The following FHIT variants were observed in gnomAD, a reference collection of about 807,000 sequenced individuals.
FHIT encodes bis(5'-adenosyl)-triphosphatase.
In FHIT, 19 loss-of-function variants were observed where a neutral mutation model predicts 17.9. The ratio of observed to expected loss-of-function variants is 1.06; its 90% CI spans 0.74 to 1.56. FHIT has a LOEUF of 1.56. Among genes scored for constraint, FHIT ranks in the 40% most tolerant of loss-of-function variants. FHIT has a pLI of 0.00. For missense variants in FHIT, 248 were observed against 189.2 expected, an observed-to-expected ratio of 1.31 and a Z score of -1.82; for synonymous variants, 81 against 69.7, an observed-to-expected ratio of 1.16 and a Z score of -0.81.
chr3:60,081,600 A>G (rs540676060), intron 5 of FHIT, among the ~76,000 whole-genome samples: 1 of 152,304 alleles, frequency 6.6e-6, no homozygotes, highest in South Asian at 2.1e-4. Flanking sequence ...ATGGACTCCA[A>G]CCAGGAAATC....
intron 5 of FHIT, among the ~76,000 whole-genome samples, chr3:60,156,292 G>C (rs1249360833): frequency 6.6e-6 from 1 of 151,628 alleles, no homozygotes; most frequent in Non-Finnish European, 1.5e-5. Context: ...AGAGGTTGCA[G>C]TGAGCCGAGA....
intron 3 of FHIT, among the ~76,000 whole-genome samples, chr3:60,862,279 A>G (rs1703948025): frequency 6.6e-6 from 1 of 151,956 alleles, no homozygotes; most frequent in Admixed American, 6.6e-5. Context: ...CCTGGGCTCA[A>G]GTGATCATCC....
At chr3:59,857,328 T>A (rs573061317) in intron 8 of FHIT, among the ~76,000 whole-genome samples, 3 of 152,212 alleles carry the variant, frequency 2.0e-5, no homozygotes, top group Admixed American at 6.5e-5. Context: ...TCACCGCAAC[T>A]CTCTCCACTC....
chr3:60,656,728 G>A (rs2040124778), intron 4 of FHIT, among the ~76,000 whole-genome samples: 1 of 152,118 alleles, frequency 6.6e-6, no homozygotes, highest in African/African-American at 2.4e-5. Context: ...GCAATTAGAA[G>A]GGTTTCCAAC....
intron 5 of FHIT, among the ~76,000 whole-genome samples, chr3:60,362,867 G>T (rs35122696): frequency 0.12 from 18,470 of 152,118 alleles, 1,436 homozygotes; most frequent in Non-Finnish European, 0.17. Context: ...AAAAAGAGGG[G>T]CAAAAAGGCC....
At chr3:59,786,433 GATC>G (rs765868835) in intron 8 of FHIT, among the ~76,000 whole-genome samples, 6 of 152,146 alleles carry the variant, frequency 3.9e-5, no homozygotes, top group African/African-American at 1.4e-4. Context: ...GCCATTTCTG[GATC>G]ATAACAATTC....
At chr3:60,036,569 A>G (rs1232915792) in intron 5 of FHIT, among the ~76,000 whole-genome samples, 1 of 152,206 alleles carries the variant, frequency 6.6e-6, no homozygotes, top group African/African-American at 2.4e-5. Context: ...AAAGATACTT[A>G]AAACAATATT....
chr3:60,672,389 C>T (rs1187924617), intron 4 of FHIT, among the ~76,000 whole-genome samples: 7 of 151,362 alleles, frequency 4.6e-5, no homozygotes, highest in Non-Finnish European at 8.8e-5. Flanking sequence ...TGTTCTCTGG[C>T]TGGCAGGAGT....
chr3:60,605,172 G>T (rs1383963904), intron 4 of FHIT, among the ~76,000 whole-genome samples: 1 of 152,078 alleles, frequency 6.6e-6, no homozygotes, highest in East Asian at 1.9e-4. Flanking sequence ...TGAACTGAAA[G>T]CTTAGGCAAT....
At chr3:60,355,186 T>C (rs1431329392) in intron 5 of FHIT, among the ~76,000 whole-genome samples, 3 of 152,306 alleles carry the variant, frequency 2.0e-5, no homozygotes, top group Non-Finnish European at 2.9e-5. Flanking sequence ...CCACTCGTCA[T>C]GTAACACTGG....
intron 5 of FHIT, among the ~76,000 whole-genome samples, chr3:60,468,885 G>C (rs771093243): frequency 6.6e-6 from 1 of 152,012 alleles, no homozygotes; most frequent in African/African-American, 2.4e-5. Context: ...GTTTGTCTGG[G>C]AAAGTCTTTA....
intron 3 of FHIT, among the ~76,000 whole-genome samples, chr3:60,955,869 A>G (rs1553778701): frequency 6.6e-6 from 1 of 152,056 alleles, no homozygotes; most frequent in African/African-American, 2.4e-5. Context: ...CTCCAAGCAT[A>G]TTATTTTATA....
At chr3:60,585,814 C>G (rs553278367) in intron 4 of FHIT, among the ~76,000 whole-genome samples, 2 of 151,896 alleles carry the variant, frequency 1.3e-5, no homozygotes, top group South Asian at 4.2e-4. Context: ...CTGTGAAACA[C>G]TATTATAGGC....
chr3:61,042,614 G>T (rs543465958), intron 2 of FHIT, among the ~76,000 whole-genome samples: 1 of 152,040 alleles, frequency 6.6e-6, no homozygotes, highest in African/African-American at 2.4e-5. Context: ...TGAGGTGGGC[G>T]GATCACTCGA....
At chr3:59,851,950 C>T (rs79897860) in intron 8 of FHIT, among the ~76,000 whole-genome samples, 49,521 of 152,018 alleles carry the variant, frequency 0.33, 8,815 homozygotes, top group East Asian at 0.59. Context: ...TTGTAATTTA[C>T]CCTTTCATCT....
chr3:60,359,198 G>C (rs746521413), intron 5 of FHIT, among the ~76,000 whole-genome samples: 1 of 151,762 alleles, frequency 6.6e-6, no homozygotes, highest in Non-Finnish European at 1.5e-5. Context: ...GAGTAGACTG[G>C]CTTGACTTCA....
intron 4 of FHIT, among the ~76,000 whole-genome samples, chr3:60,783,715 T>A (rs1215176148): frequency 6.6e-6 from 1 of 152,186 alleles, no homozygotes; most frequent in African/African-American, 2.4e-5. Flanking sequence ...AAAATAAAAT[T>A]TCATCAACAG....
intron 4 of FHIT, among the ~76,000 whole-genome samples, chr3:60,682,240 G>C (rs1381250920): frequency 6.6e-6 from 1 of 152,058 alleles, no homozygotes; most frequent in Non-Finnish European, 1.5e-5. Context: ...CACAATGCTG[G>C]GATTACAGGG....
rs151260683 is a variant in FHIT, at chr3:60,130,283, C to A, written c.104-116131G>T. On this transcript the variant is annotated intron_variant, in intron 5 of 9. Transcript: ENST00000492590. Reference sequence around the variant, plus strand: ...GTAAAACAAGACTATGTCTTGAAACCTTTCTAATTCTGAAATGTTCACTAT... The same window carrying A: ...GTAAAACAAGACTATGTCTTGAAACATTTCTAATTCTGAAATGTTCACTAT... Among the ~76,000 whole-genome samples, 494 of 152,240 alleles carry A rather than the reference C, an allele frequency of 3.2e-3. 2 individuals carry two copies. The highest frequency in any genetic ancestry group is 8.9e-3 in the South Asian group (43 of 4,828).
Sources: allele counts gnomAD v4.1 joint callset (sites outside exome capture counted in the v4.1 genomes callset), GRCh38; gene constraint gnomAD v4.1.1; transcripts MANE v1.5; gene names NCBI Gene and HGNC (gene_info 2026-07-23, HGNC 2026-07-21).